The following ZNF536 variants were observed in gnomAD, a reference collection of about 807,000 sequenced individuals.
ZNF536 encodes the protein zinc finger protein 536.
Under a neutral mutation model 84.5 loss-of-function variants are expected in ZNF536, and 13 were observed. That is an observed-to-expected ratio of 0.15 (90% CI 0.10 to 0.24). The LOEUF is 0.24. Among genes scored for constraint, ZNF536 ranks in the 10% least tolerant of loss-of-function variants. The pLI is 1.00. For synonymous variants in ZNF536, 811 were observed against 742.5 expected (o/e 1.09, Z -1.50); for missense variants, 1,536 against 1,747.5 (o/e 0.88, Z 2.16).
At chr19:30,480,563 G>T (rs748413592) in intron 2 of ZNF536, among the ~76,000 whole-genome samples, 1 of 152,124 alleles carries the variant, frequency 6.6e-6, no homozygotes, top group African/African-American at 2.4e-5. Context: ...TAGGGGGCAA[G>T]GGGAGGGAGA....
chr19:30,335,378 A>G (rs934420), intron 2 of ZNF536, among the ~76,000 whole-genome samples: 98,505 of 151,992 alleles, frequency 0.65, 32,977 homozygotes, highest in East Asian at 0.81. Context: ...TGCCACTGCC[A>G]CCACAGCCAC....
intron 1 of ZNF536, among the ~76,000 whole-genome samples, chr19:30,374,189 G>A (rs2048718929): frequency 6.6e-6 from 1 of 151,080 alleles, no homozygotes; most frequent in African/African-American, 2.4e-5. Context: ...TAAAGAAAGA[G>A]TTTTTTTTTC....
intron 2 of ZNF536, among the ~76,000 whole-genome samples, chr19:30,351,462 G>T (rs891961066): frequency 6.6e-6 from 1 of 152,170 alleles, no homozygotes; most frequent in African/African-American, 2.4e-5. Context: ...ACTATCATTT[G>T]CATATAGCAT....
chr19:30,701,613 T>C (rs1202763926), intron 1 of ZNF536, among the ~76,000 whole-genome samples: 1 of 152,186 alleles, frequency 6.6e-6, no homozygotes, highest in African/African-American at 2.4e-5. Context: ...GGACCACCTC[T>C]TGGAGCATCT....
At chr19:30,696,368 AC>A (rs1462558736) in intron 1 of ZNF536, among the ~76,000 whole-genome samples, 1 of 152,172 alleles carries the variant, frequency 6.6e-6, no homozygotes, top group Non-Finnish European at 1.5e-5. Context: ...GACTAAATGC[AC>A]TCACCCAGAG....
intron 1 of ZNF536, among the ~76,000 whole-genome samples, chr19:30,597,714 G>A (rs75436284): frequency 0.015 from 2,284 of 152,300 alleles, 24 homozygotes; most frequent in Non-Finnish European, 0.022. Context: ...TATAGCTACT[G>A]TCAGTATTAT....
intron 2 of ZNF536, among the ~76,000 whole-genome samples, chr19:30,297,894 A>C (rs1487021510): frequency 4.5e-5 from 6 of 133,642 alleles, no homozygotes; most frequent in Admixed American, 7.7e-5. Context: ...TTTTTTTCTC[A>C]AGACGGAGTC....
At chr19:30,388,585 G>C (rs774269723) in intron 1 of ZNF536, among the ~76,000 whole-genome samples, 7 of 152,160 alleles carry the variant, frequency 4.6e-5, no homozygotes, top group Non-Finnish European at 1.0e-4. Flanking sequence ...GCTTGGCAGG[G>C]CTTCTTCAAC....
At chr19:30,511,255 G>T (rs56123858) in intron 2 of ZNF536, among the ~76,000 whole-genome samples, 14,625 of 152,076 alleles carry the variant, frequency 0.096, 963 homozygotes, top group Non-Finnish European at 0.15. Context: ...TTCATCTCTC[G>T]CAGCTTGGGG....
chr19:30,254,539 T>TA (rs2024805047), intron 1 of ZNF536, among the ~76,000 whole-genome samples: 1 of 149,496 alleles, frequency 6.7e-6, no homozygotes. Flanking sequence ...TTTTTTTTTT[T>TA]AAAGTCTCTT....
intron 2 of ZNF536, among the ~76,000 whole-genome samples, chr19:30,299,133 T>A (rs533059706): frequency 1.8e-4 from 28 of 152,362 alleles, no homozygotes; most frequent in South Asian, 4.1e-4. Context: ...CTGATTTTAA[T>A]CACCTTGGAT....
intron 1 of ZNF536, among the ~76,000 whole-genome samples, chr19:30,598,027 A>T (rs1396978518): frequency 6.6e-6 from 1 of 152,102 alleles, no homozygotes; most frequent in African/African-American, 2.4e-5. Flanking sequence ...ATTGTTGTTG[A>T]TGGTGTTGTT....
intron 1 of ZNF536, among the ~76,000 whole-genome samples, chr19:30,610,209 A>G (rs2048055617): frequency 6.6e-6 from 1 of 152,214 alleles, no homozygotes; most frequent in Admixed American, 6.5e-5. Context: ...TCATTTTTTA[A>G]TGATAAAAAT....
intron 1 of ZNF536, among the ~76,000 whole-genome samples, chr19:30,233,517 A>AC (rs982635383): frequency 7.0e-6 from 1 of 142,330 alleles, no homozygotes; most frequent in Non-Finnish European, 1.5e-5. Context: ...AGTTTTTAAC[A>AC]TTTTTTTTTT....
At chr19:30,383,682 TCCTTCC>T (rs1568376456) in intron 1 of ZNF536, among the ~76,000 whole-genome samples, 24 of 40,054 alleles carry the variant, frequency 6.0e-4, no homozygotes, top group African/African-American at 1.7e-3. Flanking sequence ...CTTCCTTTCT[TCCTTCC>T]TTTCTTTTCT....
intron 2 of ZNF536, among the ~76,000 whole-genome samples, chr19:30,489,413 C>G (rs1555781056): frequency 6.6e-6 from 1 of 152,044 alleles, no homozygotes; most frequent in Non-Finnish European, 1.5e-5. Context: ...GACCCCATCT[C>G]TACAAAAAAT....
Position 30,383,660 on chromosome 19 carries a change from TTC to T in ZNF536, c.-3+11108_-3+11109del, listed in dbSNP as rs1224686009. 2.0e-3 allele frequency among the ~76,000 whole-genome samples: 75 copies of T among 36,876 alleles called. 1 individual carries two copies. The highest frequency in any genetic ancestry group is 3.4e-3 in the African/African-American group (31 of 9,008). The allele number at this position is 36,876 out of a possible 152,430, so 24.2% of individuals were successfully genotyped here. A position where few individuals can be genotyped will look rare whatever the true frequency, so the allele number is the denominator to read the frequency against. Reference sequence around the variant, plus strand: ...TTTCTTCCTTCCTTTCTTTCTCTCTTTCTCTTTCTTTCTTCCTTTCTTCCTTC... The same window carrying T: ...TTTCTTCCTTCCTTTCTTTCTCTCTTTCTTTCTTTCTTCCTTTCTTCCTTC... On this transcript the variant is annotated intron_variant, in intron 1 of 4. Transcript: ENST00000355537.
chr19:30,282,397 A>G (rs529762336), intron 1 of ZNF536, among the ~76,000 whole-genome samples: 2 of 137,342 alleles, frequency 1.5e-5, no homozygotes, highest in East Asian at 1.9e-4. Flanking sequence ...TGTGCCCATC[A>G]CTGCCCCGGT....
chr19:30,526,551 C>T (rs7259667), intron 2 of ZNF536, among the ~76,000 whole-genome samples: 5,262 of 146,510 alleles, frequency 0.036, 465 homozygotes, highest in South Asian at 0.12. Context: ...GGTGAAACCC[C>T]GTCTCTACTA....
Sources: allele counts gnomAD v4.1 joint callset (sites outside exome capture counted in the v4.1 genomes callset), GRCh38; gene constraint gnomAD v4.1.1; transcripts MANE v1.5; gene names NCBI Gene and HGNC (gene_info 2026-07-23, HGNC 2026-07-21).